EFCAB6: variants seen among roughly 807,000 people sequenced by gnomAD.
The protein encoded by EFCAB6 is EF-hand calcium binding domain 6.
EFCAB6 carries 156 observed loss-of-function variants against 169.8 expected under a neutral mutation model. The observed-to-expected ratio is 0.92, with a 90% CI of 0.81 to 1.05. The LOEUF is 1.05. Among genes scored for constraint, EFCAB6 ranks in the 50% least tolerant of loss-of-function variants. EFCAB6 has a pLI of 0.00. For synonymous variants in EFCAB6, 698 were observed against 676.4 expected (o/e 1.03, Z -0.50); for missense variants, 1,800 against 1,829.1 (o/e 0.98, Z 0.29).
chr22:43,721,188 CAAG>C (rs1305848750), intron 8 of EFCAB6, among the ~76,000 whole-genome samples: 8 of 152,034 alleles, frequency 5.3e-5, no homozygotes, highest in Non-Finnish European at 7.4e-5. Flanking sequence ...AAGATCTCTA[CAAG>C]AAGAAGCACA....
chr22:43,585,163 T>G (rs1045190619), intron 24 of EFCAB6, among the ~76,000 whole-genome samples: 1 of 152,006 alleles, frequency 6.6e-6, no homozygotes, highest in African/African-American at 2.4e-5. Context: ...AATTATCAGA[T>G]AGGGAATTTA....
Position 43,578,289 on chromosome 22 carries a change from G to T in EFCAB6, c.3229-1801C>A, listed in dbSNP as rs114489201. Among the ~76,000 whole-genome samples, 642 of 152,270 alleles carry T rather than the reference G, an allele frequency of 4.2e-3. 7 individuals are homozygous for T. Among genetic ancestry groups the T allele is most frequent in the African/African-American group, 0.015 (618 of 41,542 alleles). On this transcript the variant is annotated intron_variant, in intron 25 of 31. Transcript: ENST00000262726. ...AAAAGACTCATGAACTCTCATTAGG[G>T]CTTGTGGCCCCCCAGCACCCTGGGA...
intron 2 of EFCAB6, among the ~76,000 whole-genome samples, chr22:43,808,482 A>G (rs751483789): frequency 1.3e-5 from 2 of 152,228 alleles, no homozygotes; most frequent in Non-Finnish European, 2.9e-5. Flanking sequence ...AGCACTTCTC[A>G]AAAGGCAGGT....
intron 19 of EFCAB6, among the ~76,000 whole-genome samples, chr22:43,630,493 C>T (rs971892949): frequency 2.0e-4 from 30 of 152,220 alleles, no homozygotes; most frequent in African/African-American, 6.3e-4. Flanking sequence ...GGGCTTCCCA[C>T]GGCCTCCACT....
chr22:43,666,403 A>C (rs780724668), intron 17 of EFCAB6, among the ~76,000 whole-genome samples: 9 of 152,192 alleles, frequency 5.9e-5, no homozygotes, highest in Non-Finnish European at 1.2e-4. Flanking sequence ...CACCGGATGA[A>C]GGGGCCACTA....
At chr22:43,563,044 C>T (rs559366390) in intron 26 of EFCAB6, among the ~76,000 whole-genome samples, 2 of 152,192 alleles carry the variant, frequency 1.3e-5, no homozygotes, top group East Asian at 1.9e-4. Context: ...TCCTGGCCTG[C>T]GGCACCAGGG....
At chr22:43,752,413 C>T (rs774360954) in intron 6 of EFCAB6, among the ~76,000 whole-genome samples, 2 of 152,182 alleles carry the variant, frequency 1.3e-5, no homozygotes, top group Non-Finnish European at 2.9e-5. Context: ...CCACCATGCC[C>T]GGCTGCCCAC....
At chr22:43,772,186 A>G (rs2061492975) in intron 4 of EFCAB6, among the ~76,000 whole-genome samples, 2 of 152,276 alleles carry the variant, frequency 1.3e-5, no homozygotes, top group South Asian at 4.1e-4. Flanking sequence ...GAGCTCCTCA[A>G]GGGCAGGGCC....
At chr22:43,550,070 AAGG>A (rs1400512099) in intron 27 of EFCAB6, among the ~76,000 whole-genome samples, 5 of 152,150 alleles carry the variant, frequency 3.3e-5, no homozygotes, top group African/African-American at 4.8e-5. Context: ...TGGAGTCAGG[AAGG>A]AGGAGTAGGC....
At chr22:43,688,964 T>A (rs2058302631) in intron 10 of EFCAB6, among the ~76,000 whole-genome samples, 1 of 152,126 alleles carries the variant, frequency 6.6e-6, no homozygotes, top group Non-Finnish European at 1.5e-5. Flanking sequence ...TATTAAAAAA[T>A]TCAGATAATA....
At chr22:43,568,622 A>G (rs1249382314) in intron 26 of EFCAB6, among the ~76,000 whole-genome samples, 1 of 152,074 alleles carries the variant, frequency 6.6e-6, no homozygotes, top group Admixed American at 6.5e-5. Context: ...AGGATGCCGG[A>G]GTGGTGATTA....
At chr22:43,585,049 GACA>G (rs2050968215) in intron 24 of EFCAB6, among the ~76,000 whole-genome samples, 2 of 152,238 alleles carry the variant, frequency 1.3e-5, no homozygotes, top group South Asian at 4.1e-4. Flanking sequence ...TCTGGCTTTT[GACA>G]ACAACAAAAA....
At chr22:43,686,632 G>A (rs552191441) in intron 11 of EFCAB6, among the ~76,000 whole-genome samples, 2 of 152,226 alleles carry the variant, frequency 1.3e-5, no homozygotes, top group African/African-American at 2.4e-5. Flanking sequence ...CAGAGAGGGA[G>A]CGCTCTGATT....
At chr22:43,571,358 G>A (rs1183876859) in intron 26 of EFCAB6, among the ~76,000 whole-genome samples, 2 of 152,166 alleles carry the variant, frequency 1.3e-5, no homozygotes, top group African/African-American at 2.4e-5. Flanking sequence ...GAGAGTTGCC[G>A]ACTGTCTTAA....
rs142238910 is a variant in EFCAB6, at chr22:43,750,903, C to T, written c.507+4863G>A. On this transcript the variant is annotated intron_variant, in intron 6 of 31. Transcript: ENST00000262726. ...AATTATAATTATTTACTAATTACTT[C>T]TGAAATGACTATCTCCACACACCTC... Among the ~76,000 whole-genome samples, 79 of 152,344 alleles carry T rather than the reference C, an allele frequency of 5.2e-4. 5 individuals carry two copies. The East Asian group carries it at 0.015, about 29-fold the overall frequency.
intron 23 of EFCAB6, among the ~76,000 whole-genome samples, chr22:43,596,684 T>C (rs2052036745): frequency 6.6e-6 from 1 of 152,112 alleles, no homozygotes; most frequent in Non-Finnish European, 1.5e-5. Context: ...TCCAAAGTGA[T>C]CTACTAATTC....
At chr22:43,709,174 T>C (rs1603259048) in intron 10 of EFCAB6, among the ~76,000 whole-genome samples, 1 of 152,144 alleles carries the variant, frequency 6.6e-6, no homozygotes, top group Non-Finnish European at 1.5e-5. Flanking sequence ...CTCTGCCTCC[T>C]GGGTTCAAGC....
intron 21 of EFCAB6, among the ~76,000 whole-genome samples, chr22:43,613,858 G>A (rs1227781504): frequency 6.6e-6 from 1 of 152,078 alleles, no homozygotes; most frequent in Non-Finnish European, 1.5e-5. Context: ...CAGGAATGGT[G>A]GTATGCACCT....
rs919535490 is a variant in EFCAB6 at position 43,572,789 on chromosome 22, C to T, written c.3420+3508G>A. 2.6e-5 allele frequency among the ~76,000 whole-genome samples: 4 copies of T among 152,220 alleles called. No homozygotes were observed. Among genetic ancestry groups the T allele is most frequent in the Non-Finnish European group, 5.9e-5 (4 of 68,036 alleles). On this transcript the variant is annotated intron_variant, in intron 26 of 31. Transcript: ENST00000262726. This position sits in a 1 kb window ranked among gnomAD's most constrained non-coding sequence, Gnocchi z 4.0. ...AGTCACTCACTCCTGCTCTGTCCCC[C>T]TCGCTAGAATGGGGGCTTCTGGAGG...
Sources: gnomAD v4.1 joint callset for allele counts (sites outside exome capture counted in the v4.1 genomes callset) on GRCh38, gnomAD v4.1.1 for gene constraint, Gnocchi (gnomAD v3.1) non-coding constraint, MANE v1.5 for transcripts, NCBI Gene and HGNC (gene_info 2026-07-23, HGNC 2026-07-21) for gene names.